ACYP2: variants seen among roughly 807,000 people sequenced by gnomAD.
The protein encoded by ACYP2 is acylphosphatase 2, also known as acylphosphatase-2.
ACYP2 carries 12 observed loss-of-function variants against 11.2 expected under a neutral mutation model. That is an observed-to-expected ratio of 1.08 (90% CI 0.69 to 1.74). The LOEUF (loss-of-function observed/expected upper bound fraction) is 1.74. ACYP2 is among the 40% of genes most tolerant of loss of function. The pLI, the probability that ACYP2 is intolerant of heterozygous loss-of-function variation, is 0.00. For missense variants in ACYP2, 134 were observed against 101.9 expected, an observed-to-expected ratio of 1.31 and a Z score of -1.35; for synonymous variants, 43 against 32.2, an observed-to-expected ratio of 1.33 and a Z score of -1.13.
intron 4 of ACYP2, among the ~76,000 whole-genome samples, chr2:54,071,504 C>T (rs1294540859): frequency 2.6e-5 from 4 of 151,352 alleles, no homozygotes; most frequent in South Asian, 4.2e-4. Flanking sequence ...CTCGCTCTGT[C>T]GCACAGGTGA....
intron 2 of ACYP2, among the ~76,000 whole-genome samples, chr2:54,001,123 G>C (rs1672773338): frequency 1.3e-5 from 2 of 152,164 alleles, no homozygotes; most frequent in Non-Finnish European, 2.9e-5. Flanking sequence ...GGGAGGCTGA[G>C]GCAGGAGGAT....
chr2:53,979,552 G>A (rs188535060), intron 2 of ACYP2, among the ~76,000 whole-genome samples: 4 of 151,484 alleles, frequency 2.6e-5, no homozygotes, highest in Non-Finnish European at 5.9e-5. Flanking sequence ...ACTTGAACTC[G>A]GGAGGTGGAG....
chr2:53,983,442 G>T (rs1420711269), intron 2 of ACYP2, among the ~76,000 whole-genome samples: 1 of 152,146 alleles, frequency 6.6e-6, no homozygotes, highest in South Asian at 2.1e-4. Flanking sequence ...GGAGATTGAG[G>T]CTGCAGCGAG....
At chr2:54,105,513 T>C (rs1263601869) in intron 4 of ACYP2, among the ~76,000 whole-genome samples, 2 of 152,048 alleles carry the variant, frequency 1.3e-5, no homozygotes, top group African/African-American at 4.8e-5. Flanking sequence ...GGGTCTCGTT[T>C]TATTGCCCAG....
At chr2:54,048,308 C>T (rs1020830676) in intron 2 of ACYP2, among the ~76,000 whole-genome samples, 1 of 151,886 alleles carries the variant, frequency 6.6e-6, no homozygotes, top group Non-Finnish European at 1.5e-5. Flanking sequence ...ACCCTATGGC[C>T]CCAGTTGCTC....
At chr2:54,088,160 A>C in intron 4 of ACYP2, among the ~76,000 whole-genome samples, 1 of 152,222 alleles carries the variant, frequency 6.6e-6, no homozygotes, top group Non-Finnish European at 1.5e-5. Context: ...AGTGGAGCCA[A>C]AAGCGTGTTG....
At chr2:54,112,371 A>C (rs1357730211) in intron 4 of ACYP2, among the ~76,000 whole-genome samples, 2 of 152,238 alleles carry the variant, frequency 1.3e-5, no homozygotes, top group Non-Finnish European at 2.9e-5. Context: ...ATTTGTTTGT[A>C]TAAAAAGCCA....
intron 2 of ACYP2, among the ~76,000 whole-genome samples, chr2:54,011,609 C>T (rs1037112772): frequency 5.3e-5 from 8 of 152,126 alleles, no homozygotes; most frequent in Admixed American, 4.6e-4. Flanking sequence ...ATTGCCCTTT[C>T]CCTAGTGGAA....
intron 6 of ACYP2, among the ~76,000 whole-genome samples, chr2:54,294,061 G>A (rs1468068673): frequency 6.6e-6 from 1 of 151,982 alleles, no homozygotes; most frequent in African/African-American, 2.4e-5. Context: ...ATTTTTTACT[G>A]TCTCCTTTCT....
At chr2:54,090,401 TG>T (rs1397310090) in intron 4 of ACYP2, among the ~76,000 whole-genome samples, 1 of 151,956 alleles carries the variant, frequency 6.6e-6, no homozygotes. Flanking sequence ...GAGGCCGAGG[TG>T]GGCAGATCAC....
chr2:54,122,692 CAG>C (rs1680231860), intron 4 of ACYP2, among the ~76,000 whole-genome samples: 1 of 152,198 alleles, frequency 6.6e-6, no homozygotes, highest in South Asian at 2.1e-4. Context: ...TCAGGACTCT[CAG>C]AAAGATTCTG....
At position 54,035,009 on chromosome 2, in the gene ACYP2, C is replaced by CAAAAAAAAAAAAAAAAAAAAAA. The variant is rs550142135; in HGVS notation, c.63-15947_63-15926dup. On this transcript the variant is annotated intron_variant, in intron 2 of 6. Transcript: ENST00000607452. ...CAGGCGACAGTGCGAGACTACATCT[C>CAAAAAAAAAAAAAAAAAAAAAA]AAAAAAAAAAAAAAAAAAAAAAAGC... 2.3e-3 allele frequency among the ~76,000 whole-genome samples: 102 copies of CAAAAAAAAAAAAAAAAAAAAAA among 44,772 alleles called. 12 individuals carry two copies. Among genetic ancestry groups the CAAAAAAAAAAAAAAAAAAAAAA allele is most frequent in the Non-Finnish European group, 3.5e-3 (66 of 18,946 alleles). 29.4% of individuals were successfully genotyped at this position (44,772 alleles called of 152,430 possible).
At chr2:54,177,719 A>G (rs1031016557) in intron 6 of ACYP2, among the ~76,000 whole-genome samples, 1 of 151,700 alleles carries the variant, frequency 6.6e-6, no homozygotes, top group Non-Finnish European at 1.5e-5. Context: ...CTGGGACTAC[A>G]GGCACGCACC....
At chr2:54,187,182 C>T (rs1330705298) in intron 6 of ACYP2, among the ~76,000 whole-genome samples, 1 of 152,176 alleles carries the variant, frequency 6.6e-6, no homozygotes, top group Non-Finnish European at 1.5e-5. Flanking sequence ...TAGCTTCCCC[C>T]TTCTGAAGGA....
intron 6 of ACYP2, among the ~76,000 whole-genome samples, chr2:54,248,164 C>T (rs1687047948): frequency 6.6e-6 from 1 of 152,212 alleles, no homozygotes; most frequent in Admixed American, 6.5e-5. Flanking sequence ...AGAATTAGAA[C>T]TAATGTACTT....
At chr2:54,040,646 T>C (rs976712980) in intron 2 of ACYP2, among the ~76,000 whole-genome samples, 12 of 152,142 alleles carry the variant, frequency 7.9e-5, no homozygotes, top group African/African-American at 2.7e-4. Flanking sequence ...TTCTAAAAAC[T>C]ATATGGAAAG....
intron 6 of ACYP2, among the ~76,000 whole-genome samples, chr2:54,195,794 GTTT>G (rs1168917459): frequency 9.6e-5 from 8 of 83,130 alleles, no homozygotes; most frequent in African/African-American, 2.0e-4. Context: ...TTTGTTGTGG[GTTT>G]TTTTTTTTTT....
intron 5 of ACYP2, among the ~76,000 whole-genome samples, chr2:54,136,412 C>T (rs1326465033): frequency 6.6e-6 from 1 of 152,100 alleles, no homozygotes; most frequent in Non-Finnish European, 1.5e-5. Flanking sequence ...TGAGGTGGGT[C>T]ACTAGATTAG....
At chr2:54,130,705 G>A (rs1421644353) in intron 4 of ACYP2, among the ~76,000 whole-genome samples, 1 of 152,144 alleles carries the variant, frequency 6.6e-6, no homozygotes, top group African/African-American at 2.4e-5. Context: ...CTTCAGTAAC[G>A]ACTGGGGCCT....
Sources: gnomAD v4.1 joint callset for allele counts (sites outside exome capture counted in the v4.1 genomes callset) on GRCh38, gnomAD v4.1.1 for gene constraint, MANE v1.5 for transcripts, NCBI Gene and HGNC (gene_info 2026-07-23, HGNC 2026-07-21) for gene names.